Variants in ZDHHC17 observed in about 807,000 individuals in gnomAD.
ZDHHC17 encodes the protein palmitoyltransferase ZDHHC17.
A neutral mutation model predicts 90.3 loss-of-function variants in ZDHHC17; 40 were observed. That is an observed-to-expected ratio of 0.44 (90% CI 0.34 to 0.58). The LOEUF (loss-of-function observed/expected upper bound fraction) is 0.58. Among genes scored for constraint, ZDHHC17 ranks in the 20% least tolerant of loss-of-function variants. The pLI, the probability that ZDHHC17 is intolerant of heterozygous loss-of-function variation, is 0.01. For missense variants in ZDHHC17, 614 were observed against 780.8 expected (o/e 0.79, Z 2.55); for synonymous variants, 235 against 252.4 (o/e 0.93, Z 0.65).
intron 1 of ZDHHC17, among the ~76,000 whole-genome samples, chr12:76,790,424 C>A (rs1341218628): frequency 1.3e-5 from 2 of 152,116 alleles, no homozygotes; most frequent in African/African-American, 4.8e-5. Context: ...ATCAGTTGAA[C>A]CCAGGAGGTG....
intron 1 of ZDHHC17, among the ~76,000 whole-genome samples, chr12:76,774,310 AC>A (rs2137714916): frequency 1.7e-5 from 2 of 116,554 alleles, no homozygotes; most frequent in South Asian, 5.6e-4. Flanking sequence ...ATATATATAT[AC>A]ACACACACAC....
At chr12:76,797,581 A>G in intron 2 of ZDHHC17, 44 bp downstream of exon 2, 1 of 1,411,212 alleles carries the variant, frequency 7.1e-7, no homozygotes, top group Non-Finnish European at 9.8e-7. Context: ...TGTGTATTTC[A>G]AGTGAAATAT....
At chr12:76,790,441 G>A (rs1952747377) in intron 1 of ZDHHC17, among the ~76,000 whole-genome samples, 1 of 152,170 alleles carries the variant, frequency 6.6e-6, no homozygotes, top group South Asian at 2.1e-4. Flanking sequence ...GGTGGAGGTT[G>A]CAGCAAGCCA....
intron 7 of ZDHHC17, among the ~76,000 whole-genome samples, chr12:76,816,915 T>G (rs920665279): frequency 6.6e-6 from 1 of 152,040 alleles, no homozygotes. Context: ...TGTATATTTT[T>G]CTTTCTTCTA....
Position 76,850,944 on chromosome 12 carries a change from G to A in ZDHHC17, c.1858G>A (p.Glu620Lys). 1 of 1,613,864 alleles carries A rather than the reference G, an allele frequency of 6.2e-7. No homozygotes were observed. The highest frequency in any genetic ancestry group is 8.5e-7 in the Non-Finnish European group (1 of 1,179,858). Residue 620 changes from glutamate to lysine, a missense_variant, in exon 17 of 17, where the codon GAA becomes AAA. Physicochemically the swap from Glu to Lys is moderately conservative, Grantham distance 56 (BLOSUM62 1). Coordinates refer to ENST00000426126, the MANE Select transcript of ZDHHC17 (RefSeq NM_015336.4). ...GGACTGGACCAGGCAGTATACAATA[G>A]AATATGACCAAATATCAGGATCTGG... ...IVDWTRQYTI[E>K]YDQISGSGYQ...
At chr12:76,842,800 T>C (rs1057049794) in intron 11 of ZDHHC17, 119 bp from the exon 12 acceptor site, 2 of 698,572 alleles carry the variant, frequency 2.9e-6, no homozygotes, top group African/African-American at 3.7e-5. Context: ...TTTCTCTTTT[T>C]GAACTCAAAA....
At chr12:76,829,219 G>A (rs1342098370) in intron 10 of ZDHHC17, among the ~76,000 whole-genome samples, 2 of 151,996 alleles carry the variant, frequency 1.3e-5, no homozygotes, top group Non-Finnish European at 2.9e-5. Flanking sequence ...AGCACTTTGG[G>A]AGGTCGAGGT....
Position 76,764,234 on chromosome 12 carries a change from A to G in ZDHHC17, c.-3A>G, listed in dbSNP as rs745330858. The stretch of plus-strand genomic sequence containing the variant: ...CCGGGAGGGTGAAACGCTTTCTCCC[A>G]GCATGCAGCGGGAGGAGGGATTTAA... On this transcript the variant is annotated 5_prime_UTR_variant, in exon 1 of 17. Coordinates refer to ENST00000426126, the MANE Select transcript of ZDHHC17 (RefSeq NM_015336.4). 8 of 1,579,412 alleles carry G rather than the reference A, an allele frequency of 5.1e-6. No homozygotes were observed. The highest frequency in any genetic ancestry group is 6.9e-6 in the Non-Finnish European group (8 of 1,161,528).
chr12:76,815,120 G>A (rs926987277), intron 5 of ZDHHC17, 26 bp from the exon 6 acceptor site: 22 of 1,514,276 alleles, frequency 1.5e-5, no homozygotes, highest in Non-Finnish European at 1.7e-5. Flanking sequence ...TTAACTGTCT[G>A]ACTTTTTTTC....
chr12:76,849,709 G>T, intron 16 of ZDHHC17: 1 of 290,126 alleles, frequency 3.4e-6, no homozygotes, highest in East Asian at 7.7e-5. Flanking sequence ...TATTCAGTCT[G>T]GTGCTTAGAA....
intron 8 of ZDHHC17, among the ~76,000 whole-genome samples, chr12:76,825,855 A>T (rs1953224160): frequency 1.3e-5 from 2 of 152,182 alleles, no homozygotes; most frequent in East Asian, 3.9e-4. Context: ...TGTGTGTGAC[A>T]GGGTTTCATT....
intron 5 of ZDHHC17, among the ~76,000 whole-genome samples, chr12:76,814,270 C>CT (rs1033826108): frequency 6.6e-6 from 1 of 151,686 alleles, no homozygotes; most frequent in Non-Finnish European, 1.5e-5. Flanking sequence ...TTGCTAAAAA[C>CT]TAAGTAGTAG....
chr12:76,774,264 G>GTA (rs1952531089), intron 1 of ZDHHC17, among the ~76,000 whole-genome samples: 1 of 149,668 alleles, frequency 6.7e-6, no homozygotes, highest in Non-Finnish European at 1.5e-5. Context: ...TAAAGAATGT[G>GTA]TGTGTATGTG....
chr12:76,812,678 A>C (rs1953039805), intron 5 of ZDHHC17, among the ~76,000 whole-genome samples: 1 of 152,142 alleles, frequency 6.6e-6, no homozygotes, highest in African/African-American at 2.4e-5. Context: ...GGCTCTCAGC[A>C]TATTTTCATT....
At chr12:76,835,641 G>T (rs1310489743) in intron 10 of ZDHHC17, among the ~76,000 whole-genome samples, 1 of 151,880 alleles carries the variant, frequency 6.6e-6, no homozygotes, top group Non-Finnish European at 1.5e-5. Context: ...ATAACTTGGG[G>T]TATTTTGGAT....
chr12:76,799,645 A>G (rs1952863604), intron 2 of ZDHHC17, among the ~76,000 whole-genome samples: 1 of 152,216 alleles, frequency 6.6e-6, no homozygotes, highest in Non-Finnish European at 1.5e-5. Flanking sequence ...AAAAAGATTA[A>G]AAATGATCTG....
chr12:76,839,869 A>C (rs1436248088), intron 10 of ZDHHC17, among the ~76,000 whole-genome samples: 1 of 152,242 alleles, frequency 6.6e-6, no homozygotes, highest in Admixed American at 6.5e-5. Flanking sequence ...GTATATTTAT[A>C]TCTCAAGCCT....
At chr12:76,818,357 T>C (rs1243608968) in intron 7 of ZDHHC17, among the ~76,000 whole-genome samples, 3 of 152,192 alleles carry the variant, frequency 2.0e-5, no homozygotes, top group Admixed American at 1.3e-4. Flanking sequence ...ATAGAAACCA[T>C]GTATTTATTC....
At chr12:76,774,623 G>A (rs1223170668) in intron 1 of ZDHHC17, among the ~76,000 whole-genome samples, 2 of 152,110 alleles carry the variant, frequency 1.3e-5, no homozygotes, top group Non-Finnish European at 2.9e-5. Context: ...ACATTTCAGG[G>A]TAGTGTACCT....
Sources: allele counts gnomAD v4.1 joint callset (sites outside exome capture counted in the v4.1 genomes callset), GRCh38; gene constraint gnomAD v4.1.1; transcripts MANE v1.5; gene names NCBI Gene and HGNC (gene_info 2026-07-23, HGNC 2026-07-21).